The following VKORC1L1 variants were observed in gnomAD, a reference collection of about 807,000 sequenced individuals.
VKORC1L1 encodes vitamin K epoxide reductase complex subunit 1-like protein 1.
A neutral mutation model predicts 18.9 loss-of-function variants in VKORC1L1; 2 were observed. The ratio of observed to expected loss-of-function variants is 0.11; its 90% CI spans 0.04 to 0.33. The LOEUF (loss-of-function observed/expected upper bound fraction) is 0.33. VKORC1L1 is among the 10% of genes least tolerant of loss of function. VKORC1L1 has a pLI of 1.00. For synonymous variants in VKORC1L1, 96 were observed against 100.0 expected (o/e 0.96, Z 0.24); for missense variants, 123 against 224.1 (o/e 0.55, Z 2.88).
At chr7:65,872,406 G>A (rs575233092), upstream of VKORC1L1, among the ~76,000 whole-genome samples, 12 of 151,748 alleles carry the variant, frequency 7.9e-5, no homozygotes, top group South Asian at 1.9e-3. Flanking sequence ...TCCACCTCCC[G>A]GGTTCCGGCA....
At chr7:65,866,058 T>G in the VKORC1L1 span, among the ~76,000 whole-genome samples, 3 of 152,068 alleles carry the variant, frequency 2.0e-5, no homozygotes, top group Non-Finnish European at 4.4e-5. Context: ...GAGGTTGCAG[T>G]GAGCTGAGAT....
At chr7:65,943,331 G>A (rs534810502) in intron 1 of VKORC1L1, among the ~76,000 whole-genome samples, 1 of 152,304 alleles carries the variant, frequency 6.6e-6, no homozygotes, top group South Asian at 2.1e-4. Context: ...AAAATGAGTT[G>A]CTTCTAAGGA....
chr7:65,901,139 AAAG>A (rs1789308289), intron 1 of VKORC1L1, among the ~76,000 whole-genome samples: 1 of 152,232 alleles, frequency 6.6e-6, no homozygotes, highest in East Asian at 1.9e-4. Flanking sequence ...TCCAAGAAAA[AAAG>A]GAGGAAAAAT....
chr7:65,942,323 T>A (rs1205960950), intron 1 of VKORC1L1, among the ~76,000 whole-genome samples: 2 of 150,474 alleles, frequency 1.3e-5, no homozygotes, highest in Non-Finnish European at 3.0e-5. Flanking sequence ...CCATCTCTAC[T>A]AAAAATGCCA....
intron 1 of VKORC1L1, among the ~76,000 whole-genome samples, chr7:65,887,580 T>G (rs1367440165): frequency 6.6e-6 from 1 of 152,046 alleles, no homozygotes; most frequent in South Asian, 2.1e-4. Flanking sequence ...GTATGCCACC[T>G]GCCTTGTAAG....
At chr7:65,901,217 G>C (rs937533808) in intron 1 of VKORC1L1, among the ~76,000 whole-genome samples, 1 of 152,162 alleles carries the variant, frequency 6.6e-6, no homozygotes, top group South Asian at 2.1e-4. Flanking sequence ...TAAGTTGAGG[G>C]CATAGTAGCT....
chr7:65,873,804 A>T lies in VKORC1L1; in HGVS notation c.194+239A>T, dbSNP rs1381469483. ...GGGGCCGCGAGGCAGCCGGGGAGGG[A>T]TGAGGTGGCAGAGTGCAGCCGGGAG... On this transcript the variant is annotated intron_variant, in intron 1 of 2. Coordinates refer to ENST00000360768, the MANE Select transcript of VKORC1L1 (RefSeq NM_173517.6). Among the ~76,000 whole-genome samples, 3 of 150,334 alleles carry T rather than the reference A, an allele frequency of 2.0e-5. No homozygotes were observed. In the East Asian group the frequency reaches 5.9e-4, roughly 30 times the overall value.
At chr7:65,887,821 T>C (rs1279945461) in intron 1 of VKORC1L1, among the ~76,000 whole-genome samples, 1 of 152,190 alleles carries the variant, frequency 6.6e-6, no homozygotes, top group Non-Finnish European at 1.5e-5. Flanking sequence ...TTTTTTTTCC[T>C]GTCATTTAAA....
intron 1 of VKORC1L1, among the ~76,000 whole-genome samples, chr7:65,924,720 G>C (rs1338167248): frequency 6.6e-6 from 1 of 152,016 alleles, no homozygotes; most frequent in Non-Finnish European, 1.5e-5. Flanking sequence ...TGTGACACGT[G>C]GTCTTCAAAT....
chr7:65,908,740 G>A (rs767473019), intron 1 of VKORC1L1, among the ~76,000 whole-genome samples: 1 of 150,742 alleles, frequency 6.6e-6, no homozygotes, highest in African/African-American at 2.4e-5. Context: ...AGGAGGCTGA[G>A]GCAGGAGAAT....
intron 1 of VKORC1L1, among the ~76,000 whole-genome samples, chr7:65,887,195 C>T (rs1268039981): frequency 3.9e-5 from 6 of 152,130 alleles, no homozygotes; most frequent in Middle Eastern, 3.4e-3. Context: ...ATTAGAGTGC[C>T]TCCTTGTTAC....
Position 65,956,286 on chromosome 7 carries a change from A to G in VKORC1L1, c.*1986A>G, listed in dbSNP as rs1465989484. On this transcript the variant is annotated 3_prime_UTR_variant, in exon 3 of 3. Coordinates refer to ENST00000360768, the MANE Select transcript of VKORC1L1 (RefSeq NM_173517.6). Reference sequence around the variant, plus strand: ...CCTCTGGTTCTTTTTTCTAAGCTACAGTGGAAATGGCCTAATGGTTAAAAC... The same window carrying G: ...CCTCTGGTTCTTTTTTCTAAGCTACGGTGGAAATGGCCTAATGGTTAAAAC... 2 of 152,246 alleles carry G rather than the reference A, an allele frequency of 1.3e-5. No homozygotes were observed. Among genetic ancestry groups the G allele is most frequent in the Non-Finnish European group, 2.9e-5 (2 of 68,042 alleles). 9.4% of individuals were successfully genotyped at this position (152,246 alleles called of 1,614,324 possible).
intron 1 of VKORC1L1, among the ~76,000 whole-genome samples, chr7:65,897,360 T>C (rs753103203): frequency 1.1e-4 from 17 of 152,002 alleles, no homozygotes; most frequent in East Asian, 1.9e-4. Flanking sequence ...TGTAGGAAGA[T>C]AGCTACTTCC....
chr7:65,885,956 G>A (rs1175952224), intron 1 of VKORC1L1, among the ~76,000 whole-genome samples: 1 of 152,192 alleles, frequency 6.6e-6, no homozygotes, highest in Non-Finnish European at 1.5e-5. Context: ...AATATGGGAA[G>A]GAGTCAGTTC....
intron 1 of VKORC1L1, among the ~76,000 whole-genome samples, chr7:65,892,975 A>G (rs1789132501): frequency 6.6e-6 from 1 of 152,094 alleles, no homozygotes; most frequent in East Asian, 1.9e-4. Flanking sequence ...TTTGCCTCAC[A>G]CTCATTCTCC....
the VKORC1L1 span, among the ~76,000 whole-genome samples, chr7:65,866,083 C>G: frequency 2.0e-5 from 3 of 152,120 alleles, no homozygotes; most frequent in African/African-American, 2.4e-5. Flanking sequence ...CCACTGCACT[C>G]TAGCCTGGTG....
rs1421255601 is a variant in VKORC1L1 at position 65,895,572 on chromosome 7, A to G, written c.194+22007A>G. Among the ~76,000 whole-genome samples the G allele has an allele frequency of 2.0e-5, 3 of 146,430 alleles. No homozygotes were observed. The Admixed American group carries it at 2.1e-4, about 10-fold the overall frequency. On this transcript the variant is annotated intron_variant, in intron 1 of 2. Coordinates refer to ENST00000360768, the MANE Select transcript of VKORC1L1 (RefSeq NM_173517.6). ...TGTGAATTTAAAGTAATCCCAATTAATATCTCAATAGGCTTTTCAAAACTT... is the reference window on the plus strand; with the variant it reads ...TGTGAATTTAAAGTAATCCCAATTAGTATCTCAATAGGCTTTTCAAAACTT...
intron 1 of VKORC1L1, among the ~76,000 whole-genome samples, chr7:65,933,862 G>A (rs1789897919): frequency 6.6e-6 from 1 of 152,028 alleles, no homozygotes; most frequent in Non-Finnish European, 1.5e-5. Flanking sequence ...TGCACACATA[G>A]CCTTTCGTAT....
chr7:65,914,622 C>T (rs1789556741), intron 1 of VKORC1L1, among the ~76,000 whole-genome samples: 1 of 152,144 alleles, frequency 6.6e-6, no homozygotes, highest in Admixed American at 6.6e-5. Context: ...TTCTGCTTCC[C>T]CTTGCTGTTT....
Sources: gnomAD v4.1 joint callset for allele counts (sites outside exome capture counted in the v4.1 genomes callset) on GRCh38, gnomAD v4.1.1 for gene constraint, MANE v1.5 for transcripts, NCBI Gene and HGNC (gene_info 2026-07-23, HGNC 2026-07-21) for gene names.